Variants in SYNDIG1 observed in about 807,000 individuals in gnomAD.
The protein encoded by SYNDIG1 is synapse differentiation-inducing gene protein 1.
Under a neutral mutation model 19.4 loss-of-function variants are expected in SYNDIG1, and 9 were observed. The observed-to-expected ratio is 0.46, with a 90% CI of 0.28 to 0.81. The LOEUF (loss-of-function observed/expected upper bound fraction) is 0.81. SYNDIG1 is among the 30% of genes least tolerant of loss of function. The pLI, the probability that SYNDIG1 is intolerant of heterozygous loss-of-function variation, is 0.12. For synonymous variants in SYNDIG1, 141 were observed against 145.9 expected (o/e 0.97, Z 0.24); for missense variants, 311 against 343.3 (o/e 0.91, Z 0.74).
intron 1 of SYNDIG1, among the ~76,000 whole-genome samples, chr20:24,485,872 G>A (rs1420244169): frequency 6.6e-6 from 1 of 152,144 alleles, no homozygotes; most frequent in Non-Finnish European, 1.5e-5. Flanking sequence ...TACTGCCCCC[G>A]ATATCACATC....
At chr20:24,574,581 C>T (rs1555801430) in intron 2 of SYNDIG1, among the ~76,000 whole-genome samples, 1 of 152,082 alleles carries the variant, frequency 6.6e-6, no homozygotes, top group Non-Finnish European at 1.5e-5. Flanking sequence ...ACTTCCAGGC[C>T]ACAGGAAGAA....
chr20:24,568,849 C>G (rs1284941061), intron 2 of SYNDIG1, among the ~76,000 whole-genome samples: 1 of 152,198 alleles, frequency 6.6e-6, no homozygotes, highest in Admixed American at 6.5e-5. Context: ...AATGTGTTCA[C>G]CTGAACCGAA....
chr20:24,576,232 T>G lies in SYNDIG1; in HGVS notation c.481-8624T>G, dbSNP rs971640230. ...TCTAATATGTTGCAATTAGAAATAC[T>G]TATTTACTAGAAAATCTGGTGTTTT... is the stretch of plus-strand genomic sequence containing the variant. On this transcript the variant is annotated intron_variant, in intron 2 of 3. Coordinates refer to ENST00000376862, the MANE Select transcript of SYNDIG1 (RefSeq NM_024893.3). Among the ~76,000 whole-genome samples, 6 of 152,368 alleles carry G rather than the reference T, an allele frequency of 3.9e-5. No individual in the cohort carries two copies. The East Asian group carries it at 1.2e-3, about 29-fold the overall frequency.
intron 3 of SYNDIG1, among the ~76,000 whole-genome samples, chr20:24,614,328 G>T (rs984392054): frequency 2.6e-5 from 4 of 152,214 alleles, no homozygotes; most frequent in Admixed American, 2.6e-4. Context: ...TAATGTGCAT[G>T]ATTAGACTTT....
chr20:24,649,823 T>C (rs1374662491), intron 3 of SYNDIG1, among the ~76,000 whole-genome samples: 1 of 152,190 alleles, frequency 6.6e-6, no homozygotes, highest in Non-Finnish European at 1.5e-5. Context: ...CTTGCTGGAA[T>C]GAAAGACCTA....
chr20:24,601,026 T>C (rs1428658684), intron 3 of SYNDIG1, among the ~76,000 whole-genome samples: 1 of 152,226 alleles, frequency 6.6e-6, no homozygotes, highest in East Asian at 1.9e-4. Flanking sequence ...GTAGGCTCTT[T>C]AGGTAACTCA....
In SYNDIG1 at chr20:24,500,518, CTTT is replaced by C. The variant is rs1568587982; in HGVS notation, c.-79+30766_-79+30768del. Among the ~76,000 whole-genome samples the C allele has an allele frequency of 1.5e-3, 175 of 113,604 alleles. 1 individual carries two copies. The highest frequency in any genetic ancestry group is 2.6e-3 in the Non-Finnish European group (138 of 52,968). The allele number at this position is 113,604 out of a possible 152,430, so 74.5% of individuals were successfully genotyped here. ...TCTTTCTTTCTTTCTTTCTTTCTTT[CTTT>C]CTTTCTTTCTTCTTTCTTTCTTTCT... On this transcript the variant is annotated intron_variant, in intron 1 of 3. Transcript: ENST00000376862.
chr20:24,565,575 C>A lies in SYNDIG1; in HGVS notation c.481-19281C>A, dbSNP rs191855381. 2.6e-5 allele frequency among the ~76,000 whole-genome samples: 4 copies of A among 152,306 alleles called. 1 individual carries two copies. Among genetic ancestry groups the A allele is most frequent in the Admixed American group, 2.0e-4 (3 of 15,302 alleles). On this transcript the variant is annotated intron_variant, in intron 2 of 3. Coordinates refer to ENST00000376862, the MANE Select transcript of SYNDIG1 (RefSeq NM_024893.3). ...GTGGTAGATGCTATGGAATTTGTTT[C>A]TTCTAGAAAATAGAGGGGAAAGCAA... is the stretch of plus-strand genomic sequence containing the variant.
In SYNDIG1 at chr20:24,658,476, T is replaced by TG. The variant is rs1298602484; in HGVS notation, c.619-6864dup. ...GTGGACAGGCGCTCTGGCCGTACCC[T>TG]GGGGGGTGAAAGCCCTTCCCCAGTG... On this transcript the variant is annotated intron_variant, in intron 3 of 3. Coordinates refer to ENST00000376862, the MANE Select transcript of SYNDIG1 (RefSeq NM_024893.3). The surrounding 1 kb of genome is among the most constrained non-coding windows in gnomAD (Gnocchi z 4.4). Among the ~76,000 whole-genome samples the TG allele has an allele frequency of 6.6e-6, 1 of 152,036 alleles. No homozygotes were observed. The highest frequency in any genetic ancestry group is 1.5e-5 in the Non-Finnish European group (1 of 67,972).
chr20:24,629,391 C>A (rs1336313359), intron 3 of SYNDIG1, among the ~76,000 whole-genome samples: 1 of 152,202 alleles, frequency 6.6e-6, no homozygotes, highest in Non-Finnish European at 1.5e-5. Flanking sequence ...AGAATCAAAA[C>A]TGACTGCTTT....
At chr20:24,501,944 T>G (rs749897498) in intron 1 of SYNDIG1, among the ~76,000 whole-genome samples, 9 of 152,336 alleles carry the variant, frequency 5.9e-5, no homozygotes, top group African/African-American at 2.2e-4. Flanking sequence ...AAGGGGAGAC[T>G]GCTCTGCCCA....
intron 2 of SYNDIG1, among the ~76,000 whole-genome samples, chr20:24,549,272 A>G (rs905768004): frequency 6.6e-6 from 1 of 152,156 alleles, no homozygotes; most frequent in Non-Finnish European, 1.5e-5. Context: ...TTACTTCTAT[A>G]AAATTAACTC....
intron 2 of SYNDIG1, among the ~76,000 whole-genome samples, chr20:24,561,486 G>A (rs1188550647): frequency 6.6e-6 from 1 of 152,200 alleles, no homozygotes; most frequent in East Asian, 1.9e-4. Flanking sequence ...TGAAGTTCCT[G>A]GTTTCCATGG....
At chr20:24,568,451 C>T (rs6106911) in intron 2 of SYNDIG1, among the ~76,000 whole-genome samples, 3,740 of 152,182 alleles carry the variant, frequency 0.025, 109 homozygotes, top group African/African-American at 0.066. Flanking sequence ...CTGGTGACCT[C>T]GGGAGGCGTC....
chr20:24,626,495 G>A (rs539420397), intron 3 of SYNDIG1, among the ~76,000 whole-genome samples: 3 of 151,912 alleles, frequency 2.0e-5, no homozygotes, highest in Non-Finnish European at 4.4e-5. Flanking sequence ...GGGCAGAGAC[G>A]CTTCTCACTT....
intron 2 of SYNDIG1, among the ~76,000 whole-genome samples, chr20:24,552,411 C>G (rs868332635): frequency 6.6e-6 from 1 of 152,216 alleles, no homozygotes; most frequent in African/African-American, 2.4e-5. Context: ...CACCCATTAA[C>G]TCGTCATTTA....
In SYNDIG1 at chr20:24,522,643, T is replaced by C. The variant is rs962345302; in HGVS notation, c.-78-20377T>C. On this transcript the variant is annotated intron_variant, in intron 1 of 3. Coordinates refer to ENST00000376862, the MANE Select transcript of SYNDIG1 (RefSeq NM_024893.3). ...ACCCACACTGTTTCTCTCTTCCCCA[T>C]TGGCCTTCTGTATTAGTCCGTTTTG... 1.3e-5 allele frequency among the ~76,000 whole-genome samples: 2 copies of C among 152,186 alleles called. 1 individual carries two copies. Among genetic ancestry groups the C allele is most frequent in the Non-Finnish European group, 2.9e-5 (2 of 68,034 alleles).
chr20:24,485,071 C>T (rs1023448207), intron 1 of SYNDIG1, among the ~76,000 whole-genome samples: 8 of 149,238 alleles, frequency 5.4e-5, no homozygotes, highest in Non-Finnish European at 8.8e-5. Context: ...CCCTTTTGAC[C>T]GTCTCTGCCA....
At chr20:24,570,191 G>C (rs1167697152) in intron 2 of SYNDIG1, among the ~76,000 whole-genome samples, 2 of 152,174 alleles carry the variant, frequency 1.3e-5, no homozygotes, top group Non-Finnish European at 2.9e-5. Flanking sequence ...AAAGTGCTTA[G>C]CTATAAAGCT....
Sources: allele counts gnomAD v4.1 joint callset (sites outside exome capture counted in the v4.1 genomes callset), GRCh38; gene constraint gnomAD v4.1.1; non-coding constraint Gnocchi (gnomAD v3.1); transcripts MANE v1.5; gene names NCBI Gene and HGNC (gene_info 2026-07-23, HGNC 2026-07-21).